The following KCNH7 variants were observed in gnomAD, a reference collection of about 807,000 sequenced individuals.
KCNH7 encodes potassium voltage-gated channel subfamily H member 7.
Under a neutral mutation model 120.8 loss-of-function variants are expected in KCNH7, and 49 were observed. The ratio of observed to expected loss-of-function variants is 0.41; its 90% CI spans 0.32 to 0.51. The LOEUF is 0.51. Ranked by LOEUF, KCNH7 falls within the 20% of genes least tolerant of loss-of-function variation. The pLI is 0.38. For missense variants in KCNH7, 1,097 were observed against 1,446.6 expected, an observed-to-expected ratio of 0.76 and a Z score of 3.92; for synonymous variants, 547 against 516.1, an observed-to-expected ratio of 1.06 and a Z score of -0.81.
At chr2:162,501,167 T>C (rs955123183) in intron 6 of KCNH7, among the ~76,000 whole-genome samples, 1 of 152,080 alleles carries the variant, frequency 6.6e-6, no homozygotes. Flanking sequence ...TTCCTACTGA[T>C]GCCTTTTTTC....
At chr2:162,463,533 A>G (rs1383031426) in intron 6 of KCNH7, among the ~76,000 whole-genome samples, 1 of 151,968 alleles carries the variant, frequency 6.6e-6, no homozygotes, top group East Asian at 1.9e-4. Context: ...TGTACCTTAA[A>G]CGACCCCACA....
At chr2:162,652,247 A>C (rs1574223279) in intron 2 of KCNH7, among the ~76,000 whole-genome samples, 1 of 152,208 alleles carries the variant, frequency 6.6e-6, no homozygotes, top group African/African-American at 2.4e-5. Flanking sequence ...CTTGGGAAAA[A>C]TCTAAACTTT....
intron 7 of KCNH7, among the ~76,000 whole-genome samples, chr2:162,444,102 G>T (rs1007081581): frequency 1.3e-5 from 2 of 152,076 alleles, no homozygotes; most frequent in Non-Finnish European, 2.9e-5. Context: ...ACATCCACCT[G>T]CTTTGCTATC....
At chr2:162,687,866 A>T (rs1388613367) in intron 2 of KCNH7, among the ~76,000 whole-genome samples, 2 of 152,186 alleles carry the variant, frequency 1.3e-5, no homozygotes, top group Non-Finnish European at 2.9e-5. Flanking sequence ...AAGCCTTTCT[A>T]GTAAATAAAA....
chr2:162,705,049 TAC>T (rs1339861306), intron 2 of KCNH7, among the ~76,000 whole-genome samples: 2 of 152,152 alleles, frequency 1.3e-5, no homozygotes, highest in East Asian at 3.8e-4. Flanking sequence ...TCTATTATCT[TAC>T]ATTTTTTACA....
chr2:162,776,310 C>T (rs1683235521), intron 2 of KCNH7, among the ~76,000 whole-genome samples: 3 of 152,190 alleles, frequency 2.0e-5, no homozygotes, highest in South Asian at 4.1e-4. Context: ...TCGAGGGAGG[C>T]CAATCATTGG....
At chr2:162,538,206 C>T (rs985940979) in intron 2 of KCNH7, 2 of 152,096 alleles carry the variant, frequency 1.3e-5, no homozygotes, top group Non-Finnish European at 2.9e-5. Flanking sequence ...TTTCTTAAAA[C>T]ATTGAGCATA....
In KCNH7 at chr2:162,576,657, G is replaced by GT. The variant is rs140194419; in HGVS notation, c.308-39578dup. On this transcript the variant is annotated intron_variant, in intron 2 of 15. Coordinates refer to ENST00000332142, the MANE Select transcript of KCNH7 (RefSeq NM_033272.4). Reference sequence around the variant, plus strand: ...TTTCTAGTGTTTTGGGTTTTTTGGGGTTTTTTTTTCCTGTTTACAAGAGGG... The same window carrying GT: ...TTTCTAGTGTTTTGGGTTTTTTGGGGTTTTTTTTTTCCTGTTTACAAGAGGG... Among the ~76,000 whole-genome samples the GT allele has an allele frequency of 4.8e-3, 727 of 150,920 alleles. 7 individuals are homozygous for GT. Among genetic ancestry groups the GT allele is most frequent in the African/African-American group, 0.016 (664 of 41,056 alleles).
At chr2:162,561,002 A>G (rs1314318154) in intron 2 of KCNH7, among the ~76,000 whole-genome samples, 2 of 152,122 alleles carry the variant, frequency 1.3e-5, no homozygotes, top group Admixed American at 1.3e-4. Flanking sequence ...TCTTATATGG[A>G]ACTATAGTAG....
At chr2:162,720,310 A>G (rs975780869) in intron 2 of KCNH7, among the ~76,000 whole-genome samples, 4 of 150,552 alleles carry the variant, frequency 2.7e-5, no homozygotes, top group African/African-American at 9.7e-5. Flanking sequence ...AAAAAAAAAA[A>G]AAAAAAAAAA....
chr2:162,790,783 T>C (rs1032532699), intron 2 of KCNH7, among the ~76,000 whole-genome samples: 1 of 152,024 alleles, frequency 6.6e-6, no homozygotes, highest in Non-Finnish European at 1.5e-5. Flanking sequence ...AATTCACAAC[T>C]CTTTCATAAT....
intron 2 of KCNH7, among the ~76,000 whole-genome samples, chr2:162,574,679 A>C (rs973367254): frequency 2.6e-5 from 4 of 152,056 alleles, no homozygotes; most frequent in Non-Finnish European, 4.4e-5. Flanking sequence ...GTTTGGAATA[A>C]AAATTTAGAA....
At chr2:162,617,964 A>G (rs1683210463) in intron 2 of KCNH7, among the ~76,000 whole-genome samples, 1 of 152,062 alleles carries the variant, frequency 6.6e-6, no homozygotes, top group African/African-American at 2.4e-5. Flanking sequence ...TTACCCTGAT[A>G]AACATAAACT....
At chr2:162,468,638 A>G (rs956766043) in intron 6 of KCNH7, among the ~76,000 whole-genome samples, 1 of 147,662 alleles carries the variant, frequency 6.8e-6, no homozygotes, top group African/African-American at 2.5e-5. Context: ...CTCCTGCCTC[A>G]GCCTTCCAAA....
At position 162,373,589 on chromosome 2, in the gene KCNH7, G is replaced by C. The variant is rs979998772; in HGVS notation, c.3205C>G (p.Pro1069Ala). Residue 1069 changes from proline (P) to alanine (A), a missense_variant, in exon 15 of 16, where the codon CCA (proline) becomes GCA (alanine). This residue lies in a region of KCNH7 where 406 missense variants were observed against 410.5 expected (regional missense o/e 0.99). Transcript: ENST00000332142. ...CCTGCTGTTACCATACTGTAGGCTG[G>C]GGGGACCACAGTGGTTTGTTTCTGC... ...LLQKQTTVVP[P>A]AYSMVTAGSE... 6.3e-7 allele frequency: 1 copy of C among 1,582,290 alleles called. No homozygotes were observed.
chr2:162,773,496 A>G (rs1683133838), intron 2 of KCNH7, among the ~76,000 whole-genome samples: 2 of 152,220 alleles, frequency 1.3e-5, no homozygotes, highest in African/African-American at 4.8e-5. Context: ...CTAAAAAAAC[A>G]AAACACAGAA....
At chr2:162,695,721 C>T (rs1021569621) in intron 2 of KCNH7, among the ~76,000 whole-genome samples, 4 of 152,142 alleles carry the variant, frequency 2.6e-5, no homozygotes, top group African/African-American at 7.2e-5. Flanking sequence ...GGGGCAGCAG[C>T]GGTTTAGGCC....
intron 2 of KCNH7, among the ~76,000 whole-genome samples, chr2:162,815,607 G>A (rs1460411372): frequency 1.3e-5 from 2 of 152,168 alleles, no homozygotes; most frequent in Non-Finnish European, 1.5e-5. Flanking sequence ...GAAGGCAAGG[G>A]GCAGACAAAC....
intron 2 of KCNH7, among the ~76,000 whole-genome samples, chr2:162,590,031 A>G (rs1254295061): frequency 6.6e-6 from 1 of 152,152 alleles, no homozygotes; most frequent in African/African-American, 2.4e-5. Flanking sequence ...TTTTAATTCA[A>G]TTCAGAAAGT....
Sources: allele counts gnomAD v4.1 joint callset (sites outside exome capture counted in the v4.1 genomes callset), GRCh38; gene constraint gnomAD v4.1.1; regional missense constraint gnomAD v4.1.1; transcripts MANE v1.5; gene names NCBI Gene and HGNC (gene_info 2026-07-23, HGNC 2026-07-21).